SH3PXD2A: variants seen among roughly 807,000 people sequenced by gnomAD.
The protein encoded by SH3PXD2A is SH3 and PX domain-containing protein 2A.
Under a neutral mutation model 115.2 loss-of-function variants are expected in SH3PXD2A, and 32 were observed. The observed-to-expected ratio is 0.28, with a 90% confidence interval of 0.21 to 0.37. SH3PXD2A has a LOEUF of 0.37. Ranked by LOEUF, SH3PXD2A falls within the 10% of genes least tolerant of loss-of-function variation. The probability of loss-of-function intolerance (pLI) is 1.00; values close to 1 mark genes in which losing one functional copy is unlikely to be tolerated. For synonymous variants in SH3PXD2A, 610 were observed against 629.1 expected (o/e 0.97, Z 0.45); for missense variants, 1,328 against 1,498.7 (o/e 0.89, Z 1.88).
chr10:103,726,408 G>A (rs1329912085), intron 4 of SH3PXD2A, among the ~76,000 whole-genome samples: 1 of 152,222 alleles, frequency 6.6e-6, no homozygotes, highest in Non-Finnish European at 1.5e-5. Flanking sequence ...TGAGGAGACA[G>A]AGGTGCAGGG....
Position 103,676,087 on chromosome 10 carries a change from G to A in SH3PXD2A, c.428-7435C>T, listed in dbSNP as rs562895244. ...TAAGGTTCTTTCCCAAGGCCCTACA[G>A]CAAGAAGTGATGGCATCAGACTTAA... On this transcript the variant is annotated intron_variant, in intron 6 of 14. Transcript: ENST00000369774. Among the ~76,000 whole-genome samples, 11 of 152,276 alleles carry A rather than the reference G, an allele frequency of 7.2e-5. No homozygotes were observed. In the South Asian group the frequency reaches 2.3e-3, roughly 32 times the overall value.
intron 1 of SH3PXD2A, among the ~76,000 whole-genome samples, chr10:103,812,388 G>C (rs1015118138): frequency 1.3e-5 from 2 of 152,122 alleles, no homozygotes; most frequent in Non-Finnish European, 2.9e-5. Flanking sequence ...AGACATTCAG[G>C]AGCCAGAGTC....
chr10:103,616,390 A>T (rs2036519205), intron 11 of SH3PXD2A, among the ~76,000 whole-genome samples: 1 of 152,214 alleles, frequency 6.6e-6, no homozygotes, highest in Non-Finnish European at 1.5e-5. Context: ...AGTTCCAAGG[A>T]CACCAAAAGC....
intron 7 of SH3PXD2A, among the ~76,000 whole-genome samples, chr10:103,662,446 G>C (rs1428950814): frequency 8.1e-6 from 1 of 123,394 alleles, no homozygotes; most frequent in Non-Finnish European, 1.6e-5. Context: ...AGGCCGGACT[G>C]CGGACTGCAG....
chr10:103,689,700 T>C (rs770961436), intron 6 of SH3PXD2A, among the ~76,000 whole-genome samples: 13 of 152,056 alleles, frequency 8.5e-5, no homozygotes, highest in African/African-American at 1.4e-4. Context: ...GACTTCTAGA[T>C]GTTGGGCTTG....
chr10:103,694,101 C>G (rs2037796129), intron 5 of SH3PXD2A, among the ~76,000 whole-genome samples: 1 of 152,312 alleles, frequency 6.6e-6, no homozygotes, highest in East Asian at 1.9e-4. Flanking sequence ...TCACATGCCC[C>G]TAAAGGCTGA....
chr10:103,847,033 T>G lies in SH3PXD2A; in HGVS notation c.72+8162A>C, dbSNP rs536951128. 4.6e-5 allele frequency among the ~76,000 whole-genome samples: 7 copies of G among 152,368 alleles called. No homozygotes were observed. In the East Asian group the frequency reaches 1.3e-3, roughly 29 times the overall value. Reference sequence around the variant, plus strand: ...AGATGCTTAGCACATAGAAAACATTTAGAAAGGTCAGCTGTTATTTTTATT... The same window carrying G: ...AGATGCTTAGCACATAGAAAACATTGAGAAAGGTCAGCTGTTATTTTTATT... On this transcript the variant is annotated intron_variant, in intron 1 of 14. Coordinates refer to ENST00000369774, the MANE Select transcript of SH3PXD2A (RefSeq NM_001394015.1).
At chr10:103,642,147 CTTTTTT>C (rs35382988) in intron 8 of SH3PXD2A, among the ~76,000 whole-genome samples, 1 of 141,202 alleles carries the variant, frequency 7.1e-6, no homozygotes, top group Non-Finnish European at 1.6e-5. Flanking sequence ...AGCAATTTGC[CTTTTTT>C]TTTTTTTTTT....
At chr10:103,726,005 T>C (rs909676657) in intron 4 of SH3PXD2A, among the ~76,000 whole-genome samples, 28 of 152,074 alleles carry the variant, frequency 1.8e-4, no homozygotes, top group Non-Finnish European at 3.1e-4. Context: ...TAGCCCCGTT[T>C]TCTGGGCCCC....
intron 2 of SH3PXD2A, among the ~76,000 whole-genome samples, chr10:103,788,267 G>T (rs1046874667): frequency 4.6e-5 from 7 of 152,188 alleles, no homozygotes; most frequent in African/African-American, 1.7e-4. Context: ...CAGATGGGAA[G>T]GTGGAGACTC....
intron 1 of SH3PXD2A, among the ~76,000 whole-genome samples, chr10:103,820,251 C>T (rs565083994): frequency 1.1e-4 from 17 of 152,204 alleles, no homozygotes; most frequent in Non-Finnish European, 1.8e-4. Context: ...TCTTTTGAGC[C>T]CCCAAGCTGC....
chr10:103,634,684 G>GGAGA (rs1385248242), intron 8 of SH3PXD2A, among the ~76,000 whole-genome samples: 2 of 152,180 alleles, frequency 1.3e-5, no homozygotes, highest in Non-Finnish European at 2.9e-5. Context: ...CACACCATGA[G>GGAGA]GAGAGATGCC....
chr10:103,740,142 A>T (rs2038428466), intron 3 of SH3PXD2A, among the ~76,000 whole-genome samples: 1 of 152,222 alleles, frequency 6.6e-6, no homozygotes, highest in African/African-American at 2.4e-5. Context: ...CTTTTCACTG[A>T]ATTCCCTCCC....
In SH3PXD2A at chr10:103,603,762, A is replaced by G; in HGVS notation, c.1456T>C (p.Trp486Arg). 1 of 1,609,962 alleles carries G rather than the reference A, an allele frequency of 6.2e-7. No homozygotes were observed. Among genetic ancestry groups the G allele is most frequent in the Non-Finnish European group, 8.5e-7 (1 of 1,179,848 alleles). ...TCCTTCTCACCGATCTGCACGTACC[A>G]CCAGCCACCTGAGTTCTTATCAATG... ...EVIDKNSGGW[W>R]YVQIGEKEGW... Residue 486 changes from tryptophan (W) to arginine (R), a missense_variant, in exon 15 of 15, where the codon TGG (tryptophan) becomes CGG (arginine). Physicochemically the swap from Trp to Arg is moderately radical, Grantham distance 101. Transcript: ENST00000369774.
intron 11 of SH3PXD2A, among the ~76,000 whole-genome samples, chr10:103,615,110 A>G (rs2036489643): frequency 6.6e-6 from 1 of 152,262 alleles, no homozygotes; most frequent in South Asian, 2.1e-4. Flanking sequence ...TACGGCTCAG[A>G]AAAGCAAGGG....
At position 103,724,312 on chromosome 10, in the gene SH3PXD2A, C is replaced by T. The variant is rs537392376; in HGVS notation, c.356G>A (p.Arg119Gln). The T allele has an allele frequency of 3.9e-5, 62 of 1,582,160 alleles. No homozygotes were observed. Among genetic ancestry groups the T allele is most frequent in the Non-Finnish European group, 4.8e-5 (56 of 1,166,988 alleles). The change falls in exon 5 of 15, where the codon CGG becomes CAG. Residue 119 changes from arginine (R) to glutamine (Q), a missense_variant. Arg to Gln is a conservative substitution (Grantham distance 43). This residue lies in a region of SH3PXD2A where 110 missense variants were observed against 160.0 expected (regional missense o/e 0.69). Coordinates refer to ENST00000369774, the MANE Select transcript of SH3PXD2A (RefSeq NM_001394015.1). ...PHISQCDEVFRFFEARPEDVN... is the reference protein window; with the variant it reads ...PHISQCDEVFQFFEARPEDVN... ...ATCCTCGGGTCGAGCCTCGAAGAAC[C>T]GGAAGACTTCGTCACACTGTGAGAT...
intron 5 of SH3PXD2A, among the ~76,000 whole-genome samples, chr10:103,701,431 T>A (rs1211349497): frequency 5.6e-5 from 8 of 141,818 alleles, no homozygotes; most frequent in Admixed American, 2.8e-4. Flanking sequence ...CCACCATCCA[T>A]CCACCATCTA....
At chr10:103,713,029 A>G (rs1292637804) in intron 5 of SH3PXD2A, among the ~76,000 whole-genome samples, 1 of 152,244 alleles carries the variant, frequency 6.6e-6, no homozygotes, top group Non-Finnish European at 1.5e-5. Context: ...TCAAGGGTCC[A>G]GCACGGCTTT....
chr10:103,735,164 T>G (rs1431772488), intron 4 of SH3PXD2A, among the ~76,000 whole-genome samples: 2 of 152,250 alleles, frequency 1.3e-5, no homozygotes, highest in East Asian at 3.8e-4. Context: ...ACAGGTGGGC[T>G]CTGGCTCATG....
Sources: allele counts gnomAD v4.1 joint callset (sites outside exome capture counted in the v4.1 genomes callset), GRCh38; gene constraint gnomAD v4.1.1; regional missense constraint gnomAD v4.1.1; transcripts MANE v1.5; gene names NCBI Gene and HGNC (gene_info 2026-07-23, HGNC 2026-07-21).